COL21A1: variants seen among roughly 807,000 people sequenced by gnomAD.
The protein encoded by COL21A1 is collagen alpha-1(XXI) chain.
In COL21A1, 149 loss-of-function variants were observed where a neutral mutation model predicts 137.9. The ratio of observed to expected loss-of-function variants is 1.08; its 90% CI spans 0.95 to 1.24. The LOEUF is 1.24. Ranked by LOEUF, COL21A1 falls within the 50% of genes most tolerant of loss-of-function variation. The pLI, the probability that COL21A1 is intolerant of heterozygous loss-of-function variation, is 0.00. For synonymous variants in COL21A1, 456 were observed against 391.5 expected (o/e 1.16, Z -1.95); for missense variants, 1,167 against 1,158.4 (o/e 1.01, Z -0.11).
At chr6:56,304,695 A>G (rs1290584225) in intron 1 of COL21A1, among the ~76,000 whole-genome samples, 1 of 152,070 alleles carries the variant, frequency 6.6e-6, no homozygotes, top group Non-Finnish European at 1.5e-5. Flanking sequence ...TCCTGGATTC[A>G]TTGATTTTTT....
At position 56,182,655 on chromosome 6, in the gene COL21A1, TCCTAGGGGG is replaced by T. The variant is rs1293520199; in HGVS notation, c.-38-8_-38del. 2.2e-6 allele frequency: 3 copies of T among 1,382,074 alleles called. No homozygotes were observed. Among genetic ancestry groups the T allele is most frequent in the Admixed American group, 4.0e-5 (2 of 50,134 alleles). 85.6% of individuals were successfully genotyped at this position (1,382,074 alleles called of 1,614,324 possible). ...CGTTCTAATATTTTGGTTTTAGGAT[TCCTAGGGGG>T]AAAAAAAAGGCAAGTTAAATATATT... is the stretch of plus-strand genomic sequence containing the variant. On this transcript the variant is annotated splice_acceptor_variant and splice_polypyrimidine_tract_variant and 5_prime_UTR_variant and intron_variant, in exon 2 of 30. Transcript: ENST00000244728. LOFTEE classifies it low-confidence loss of function (5UTR_SPLICE).
chr6:56,096,585 G>C (rs1298511867), intron 17 of COL21A1, among the ~76,000 whole-genome samples: 1 of 152,166 alleles, frequency 6.6e-6, no homozygotes, highest in Non-Finnish European at 1.5e-5. Flanking sequence ...ACATGTGAAT[G>C]TACTTGTATT....
upstream of COL21A1, among the ~76,000 whole-genome samples, chr6:56,252,111 G>A (rs189391465): frequency 2.3e-3 from 354 of 152,304 alleles, no homozygotes; most frequent in Middle Eastern, 0.027. Context: ...CAGCTTAAAT[G>A]TATCAATTTC....
At chr6:56,366,622 GT>G (rs1766106780) in intron 1 of COL21A1, among the ~76,000 whole-genome samples, 1 of 152,184 alleles carries the variant, frequency 6.6e-6, no homozygotes, top group South Asian at 2.1e-4. Context: ...CCTCTGTCAG[GT>G]TACAAAGGGA....
At chr6:56,375,707 G>A (rs540287208) in intron 1 of COL21A1, among the ~76,000 whole-genome samples, 2 of 152,296 alleles carry the variant, frequency 1.3e-5, no homozygotes, top group South Asian at 2.1e-4. Context: ...CCAGGACCAC[G>A]ACTGATGCAA....
At chr6:56,179,544 C>T (rs774318041) in intron 3 of COL21A1, 34 bp downstream of exon 3, 2 of 1,508,664 alleles carry the variant, frequency 1.3e-6, no homozygotes, top group Non-Finnish European at 1.8e-6. Flanking sequence ...TTATTAATTG[C>T]TTCCAAATTA....
At chr6:56,074,200 G>C (rs751129114) in intron 20 of COL21A1, 32 bp downstream of exon 20, 1 of 1,507,580 alleles carries the variant, frequency 6.6e-7, no homozygotes, top group Non-Finnish European at 9.0e-7. Context: ...ATTATACAAA[G>C]TTCCCAGTCT....
At position 56,370,823 on chromosome 6, in the gene COL21A1, A is replaced by G. The variant is rs755488707; in HGVS notation, c.-39+23148T>C. ...AGGAAATGTACTTGGCAAAGATCCAATAGCTCTTCATTGTCCTCCACACAG... is the reference window on the plus strand; with the variant it reads ...AGGAAATGTACTTGGCAAAGATCCAGTAGCTCTTCATTGTCCTCCACACAG... On this transcript the variant is annotated intron_variant, in intron 1 of 28. Coordinates refer to the COL21A1 transcript ENST00000370819. Among the ~76,000 whole-genome samples, 8 of 152,216 alleles carry G rather than the reference A, an allele frequency of 5.3e-5. No individual in the cohort carries two copies. The South Asian group carries it at 8.3e-4, about 16-fold the overall frequency.
intron 1 of COL21A1, among the ~76,000 whole-genome samples, chr6:56,269,484 T>C (rs1763472025): frequency 1.3e-5 from 2 of 150,404 alleles, no homozygotes; most frequent in Admixed American, 1.3e-4. Flanking sequence ...TGAAACCCCG[T>C]CTCTACTAAA....
At chr6:56,348,268 C>CA (rs1347709172) in intron 1 of COL21A1, among the ~76,000 whole-genome samples, 1 of 152,148 alleles carries the variant, frequency 6.6e-6, no homozygotes, top group Non-Finnish European at 1.5e-5. Flanking sequence ...CATAAGGGCA[C>CA]ATAGCTGTGG....
At chr6:56,265,943 C>T (rs967641953) in intron 1 of COL21A1, among the ~76,000 whole-genome samples, 9 of 152,172 alleles carry the variant, frequency 5.9e-5, no homozygotes, top group South Asian at 2.1e-4. Flanking sequence ...TACACATTCG[C>T]AACTAAAGTT....
At chr6:56,209,763 A>C (rs144657421) in intron 1 of COL21A1, among the ~76,000 whole-genome samples, 3,309 of 152,262 alleles carry the variant, frequency 0.022, 61 homozygotes, top group East Asian at 0.058. Flanking sequence ...TTGACCCAGC[A>C]ATCCCATTAC....
intron 3 of COL21A1, among the ~76,000 whole-genome samples, chr6:56,173,449 G>A (rs1777218127): frequency 6.6e-6 from 1 of 151,354 alleles, no homozygotes; most frequent in African/African-American, 2.4e-5. Context: ...AAAAGGGAAA[G>A]GAAAAGAAAA....
upstream of COL21A1, among the ~76,000 whole-genome samples, chr6:56,250,498 G>C (rs1782831090): frequency 6.6e-6 from 1 of 152,140 alleles, no homozygotes; most frequent in Non-Finnish European, 1.5e-5. Flanking sequence ...ACAGCTTGAG[G>C]AACAACAGAG....
chr6:56,146,138 A>G (rs1774817157), intron 10 of COL21A1, among the ~76,000 whole-genome samples: 2 of 152,152 alleles, frequency 1.3e-5, no homozygotes, highest in Non-Finnish European at 2.9e-5. Flanking sequence ...TTTCCTTGAA[A>G]TACTCTAAAC....
chr6:56,242,589 G>T (rs943227738), intron 1 of COL21A1, among the ~76,000 whole-genome samples: 1 of 152,094 alleles, frequency 6.6e-6, no homozygotes, highest in African/African-American at 2.4e-5. Context: ...TTCCCAGAAG[G>T]TCACTAAGCT....
At chr6:56,177,298 A>G (rs1249126342) in intron 3 of COL21A1, among the ~76,000 whole-genome samples, 1 of 152,196 alleles carries the variant, frequency 6.6e-6, no homozygotes, top group African/African-American at 2.4e-5. Flanking sequence ...TTGTGATTCA[A>G]CTACAGCAGA....
At chr6:56,240,668 T>C (rs1421980311) in intron 1 of COL21A1, among the ~76,000 whole-genome samples, 3 of 152,144 alleles carry the variant, frequency 2.0e-5, no homozygotes, top group African/African-American at 7.2e-5. Flanking sequence ...AAGAAAAATA[T>C]ACAAATGGCA....
chr6:56,066,215 C>T (rs1042141185), intron 23 of COL21A1, among the ~76,000 whole-genome samples: 7 of 151,886 alleles, frequency 4.6e-5, no homozygotes, highest in Non-Finnish European at 1.0e-4. Context: ...AATCCTATAT[C>T]ATAGTACTTG....
Sources: gnomAD v4.1 joint callset for allele counts (sites outside exome capture counted in the v4.1 genomes callset) on GRCh38, gnomAD v4.1.1 for gene constraint, MANE v1.5 for transcripts, NCBI Gene and HGNC (gene_info 2026-07-23, HGNC 2026-07-21) for gene names.